DOK6: variants seen among roughly 807,000 people sequenced by gnomAD.
DOK6 encodes downstream of tyrosine kinase 6.
DOK6 carries 22 observed loss-of-function variants against 44.0 expected under a neutral mutation model. That is an observed-to-expected ratio of 0.50 (90% CI 0.36 to 0.71). The LOEUF (loss-of-function observed/expected upper bound fraction) is 0.71, where lower values mean the gene tolerates loss of function less well. Among genes scored for constraint, DOK6 ranks in the 30% least tolerant of loss-of-function variants. The probability of loss-of-function intolerance (pLI) is 0.00; values close to 1 mark genes in which losing one functional copy is unlikely to be tolerated. For missense variants in DOK6, 340 were observed against 416.4 expected (o/e 0.82, Z 1.60); for synonymous variants, 166 against 145.5 (o/e 1.14, Z -1.01).
At chr18:69,441,591 T>C (rs1979138272) in intron 1 of DOK6, among the ~76,000 whole-genome samples, 1 of 152,190 alleles carries the variant, frequency 6.6e-6, no homozygotes, top group Non-Finnish European at 1.5e-5. Flanking sequence ...ATAAATAACT[T>C]ACATTTACAA....
At position 69,842,240 on chromosome 18, in the gene DOK6, G is replaced by C. The variant is rs1353650989; in HGVS notation, c.*857G>C. 1.3e-5 allele frequency: 2 copies of C among 151,302 alleles called. No individual in the cohort carries two copies. Among genetic ancestry groups the C allele is most frequent in the Non-Finnish European group, 2.9e-5 (2 of 67,936 alleles). 9.4% of individuals were successfully genotyped at this position (151,302 alleles called of 1,614,324 possible). ...AAAAATGTGAGAAGGGGAACATTCA[G>C]AAGCAAAAGAACCAGTCTAGCTGTC... is the stretch of plus-strand genomic sequence containing the variant. On this transcript the variant is annotated 3_prime_UTR_variant, in exon 8 of 8. Transcript: ENST00000382713.
At chr18:69,617,504 G>A (rs1470289895) in intron 3 of DOK6, among the ~76,000 whole-genome samples, 1 of 134,680 alleles carries the variant, frequency 7.4e-6, no homozygotes. Flanking sequence ...AAGAAAGAAA[G>A]AGAAAGAAAG....
chr18:69,568,086 G>A (rs184403731), intron 2 of DOK6, among the ~76,000 whole-genome samples: 10 of 152,146 alleles, frequency 6.6e-5, no homozygotes, highest in African/African-American at 2.2e-4. Context: ...CAACTTCACC[G>A]TCTCTCTGGG....
chr18:69,798,482 T>C (rs1980811910), intron 7 of DOK6, among the ~76,000 whole-genome samples: 1 of 152,076 alleles, frequency 6.6e-6, no homozygotes, highest in Non-Finnish European at 1.5e-5. Context: ...AACTCTTGTA[T>C]GTGTAGTACC....
chr18:69,715,417 G>A (rs368224467), intron 5 of DOK6, among the ~76,000 whole-genome samples: 8 of 152,314 alleles, frequency 5.3e-5, no homozygotes, highest in African/African-American at 1.7e-4. Context: ...TAAAGATAAA[G>A]TAGAAATCAG....
intron 2 of DOK6, among the ~76,000 whole-genome samples, chr18:69,564,968 G>T (rs897525925): frequency 3.9e-5 from 6 of 152,126 alleles, no homozygotes; most frequent in Non-Finnish European, 2.9e-5. Flanking sequence ...CTTTAACAGT[G>T]CTAATGATAT....
At chr18:69,422,286 C>T (rs922694962) in intron 1 of DOK6, among the ~76,000 whole-genome samples, 7 of 152,196 alleles carry the variant, frequency 4.6e-5, no homozygotes, top group African/African-American at 1.4e-4. Flanking sequence ...CTGAGCCCTA[C>T]AATTTTATTA....
chr18:69,756,358 G>A (rs1177983341), intron 6 of DOK6, among the ~76,000 whole-genome samples: 1 of 152,078 alleles, frequency 6.6e-6, no homozygotes, highest in Non-Finnish European at 1.5e-5. Flanking sequence ...TAATAAGCAG[G>A]AAAACTTTGA....
chr18:69,770,716 G>A (rs1040769010), intron 7 of DOK6, among the ~76,000 whole-genome samples: 3 of 151,990 alleles, frequency 2.0e-5, no homozygotes, highest in African/African-American at 7.2e-5. Flanking sequence ...TGCTTTTCCA[G>A]CTTTTTAACT....
intron 7 of DOK6, among the ~76,000 whole-genome samples, chr18:69,785,264 T>A (rs760970411): frequency 6.6e-6 from 1 of 152,224 alleles, no homozygotes; most frequent in Non-Finnish European, 1.5e-5. Context: ...AGCATCTTAT[T>A]CATCAAATCT....
At chr18:69,702,639 A>G (rs978711918) in intron 5 of DOK6, among the ~76,000 whole-genome samples, 4 of 152,204 alleles carry the variant, frequency 2.6e-5, no homozygotes, top group Non-Finnish European at 5.9e-5. Context: ...GAATTAATCA[A>G]TGAATGGCTT....
chr18:69,408,439 C>CAAAAAA (rs35285941), intron 1 of DOK6, among the ~76,000 whole-genome samples: 1 of 138,810 alleles, frequency 7.2e-6, no homozygotes. Context: ...CCTCTCCTTT[C>CAAAAAA]AAAAAAAAAA....
intron 5 of DOK6, among the ~76,000 whole-genome samples, chr18:69,701,050 T>C (rs1986507110): frequency 6.6e-6 from 1 of 152,284 alleles, no homozygotes; most frequent in African/African-American, 2.4e-5. Flanking sequence ...AAATACTTTT[T>C]TCATTGACAC....
intron 1 of DOK6, among the ~76,000 whole-genome samples, chr18:69,545,107 G>A (rs1451482549): frequency 5.9e-5 from 5 of 85,154 alleles, no homozygotes; most frequent in South Asian, 5.7e-4. Context: ...GTGACAGAGC[G>A]AGACACCATA....
At chr18:69,522,226 A>G (rs1981708089) in intron 1 of DOK6, among the ~76,000 whole-genome samples, 1 of 151,872 alleles carries the variant, frequency 6.6e-6, no homozygotes, top group Admixed American at 6.6e-5. Flanking sequence ...ACACACACCC[A>G]CACACATACA....
chr18:69,738,217 A>G (rs974733712), intron 5 of DOK6, among the ~76,000 whole-genome samples: 1 of 152,222 alleles, frequency 6.6e-6, no homozygotes, highest in African/African-American at 2.4e-5. Flanking sequence ...AGAAATAGTT[A>G]TCCTCATGAA....
At chr18:69,753,075 ATT>A (rs1036122464) in intron 6 of DOK6, among the ~76,000 whole-genome samples, 27 of 152,356 alleles carry the variant, frequency 1.8e-4, no homozygotes, top group African/African-American at 6.0e-4. Flanking sequence ...CACAGGACTC[ATT>A]GTTTCCTAAA....
intron 1 of DOK6, among the ~76,000 whole-genome samples, chr18:69,521,652 G>C (rs1460943142): frequency 6.6e-6 from 1 of 151,840 alleles, no homozygotes; most frequent in African/African-American, 2.4e-5. Context: ...ACAGAGTAGA[G>C]AATCTATGGG....
At chr18:69,823,496 T>C (rs1568136704) in intron 7 of DOK6, among the ~76,000 whole-genome samples, 1 of 152,164 alleles carries the variant, frequency 6.6e-6, no homozygotes, top group Non-Finnish European at 1.5e-5. Flanking sequence ...CTGCTTTCTC[T>C]GGAAACTATG....
Sources: gnomAD v4.1 joint callset for allele counts (sites outside exome capture counted in the v4.1 genomes callset) on GRCh38, gnomAD v4.1.1 for gene constraint, MANE v1.5 for transcripts, NCBI Gene and HGNC (gene_info 2026-07-23, HGNC 2026-07-21) for gene names.